NAALADL2: variants seen among roughly 807,000 people sequenced by gnomAD.
The protein encoded by NAALADL2 is inactive N-acetylated-alpha-linked acidic dipeptidase-like protein 2.
Under a neutral mutation model 87.2 loss-of-function variants are expected in NAALADL2, and 76 were observed. That is an observed-to-expected ratio of 0.87 (90% CI 0.72 to 1.05). NAALADL2 has a LOEUF of 1.05. NAALADL2 is among the 50% of genes least tolerant of loss of function. NAALADL2 has a pLI of 0.00. For missense variants in NAALADL2, 1,089 were observed against 945.8 expected (o/e 1.15, Z -1.99); for synonymous variants, 354 against 331.0 (o/e 1.07, Z -0.75).
intron 9 of NAALADL2, among the ~76,000 whole-genome samples, chr3:175,475,429 A>G (rs2149304793): frequency 6.6e-6 from 1 of 152,336 alleles, no homozygotes; most frequent in South Asian, 2.1e-4. Context: ...AGTTTTCAAA[A>G]TCATCTTTTC....
chr3:175,367,835 A>C (rs1329796592), intron 5 of NAALADL2, among the ~76,000 whole-genome samples: 2 of 152,154 alleles, frequency 1.3e-5, no homozygotes, highest in African/African-American at 4.8e-5. Flanking sequence ...TTCCTAACTG[A>C]ATACCCTTTA....
rs1381450872 is a variant in NAALADL2 at position 175,324,034 on chromosome 3, A to C, written c.940-141A>C. ...CTCCATCTCAAAAAACAAACAAAAA[A>C]AAAAAAAAAGAAAAAGAAAAAGAAA... On this transcript the variant is annotated intron_variant, in intron 4 of 13. Transcript: ENST00000454872. 13 of 637,300 alleles carry C rather than the reference A, an allele frequency of 2.0e-5. No individual in the cohort carries two copies. The East Asian group carries it at 2.5e-4, about 12-fold the overall frequency. 39.5% of individuals were successfully genotyped at this position (637,300 alleles called of 1,614,324 possible). A position where few individuals can be genotyped will look rare whatever the true frequency, so the allele number is the denominator to read the frequency against.
chr3:175,267,157 A>C (rs1752069010), intron 4 of NAALADL2, among the ~76,000 whole-genome samples: 1 of 152,014 alleles, frequency 6.6e-6, no homozygotes, highest in African/African-American at 2.4e-5. Flanking sequence ...CTTACTGAGA[A>C]GTTTTCTGTG....
At chr3:174,449,468 G>C (rs1209575096) in intron 1 of NAALADL2, among the ~76,000 whole-genome samples, 1 of 152,080 alleles carries the variant, frequency 6.6e-6, no homozygotes, top group African/African-American at 2.4e-5. Context: ...TAACCAATAT[G>C]TCATGAGGAT....
intron 9 of NAALADL2, among the ~76,000 whole-genome samples, chr3:175,502,711 A>T (rs1377780904): frequency 5.3e-5 from 8 of 152,020 alleles, no homozygotes; most frequent in African/African-American, 1.2e-4. Context: ...CCCAGTATAC[A>T]TACATATATA....
intron 4 of NAALADL2, among the ~76,000 whole-genome samples, chr3:175,283,055 T>G (rs1221154992): frequency 6.6e-6 from 1 of 152,060 alleles, no homozygotes; most frequent in Non-Finnish European, 1.5e-5. Flanking sequence ...CCATATAGTA[T>G]TATAGACACA....
intron 2 of NAALADL2, among the ~76,000 whole-genome samples, chr3:175,125,328 G>A (rs889530276): frequency 1.3e-5 from 2 of 151,924 alleles, no homozygotes; most frequent in African/African-American, 4.8e-5. Flanking sequence ...GAAGCTACTG[G>A]AGAATGTTAA....
At chr3:175,511,875 T>C (rs1731207365) in intron 9 of NAALADL2, among the ~76,000 whole-genome samples, 3 of 152,226 alleles carry the variant, frequency 2.0e-5, no homozygotes, top group Admixed American at 1.3e-4. Flanking sequence ...CAATCATACT[T>C]TAACCTAGGG....
At chr3:175,019,246 G>C (rs1006480334) in intron 1 of NAALADL2, among the ~76,000 whole-genome samples, 7 of 151,966 alleles carry the variant, frequency 4.6e-5, no homozygotes, top group Non-Finnish European at 1.0e-4. Context: ...TTCATCTACA[G>C]CTCAGCACAG....
intron 4 of NAALADL2, among the ~76,000 whole-genome samples, chr3:175,317,965 G>A (rs1759365077): frequency 6.6e-6 from 1 of 152,054 alleles, no homozygotes; most frequent in Non-Finnish European, 1.5e-5. Context: ...CATGAAAATA[G>A]ATATTGTTGC....
At chr3:175,561,243 A>C (rs1716223926) in intron 9 of NAALADL2, among the ~76,000 whole-genome samples, 1 of 152,172 alleles carries the variant, frequency 6.6e-6, no homozygotes, top group African/African-American at 2.4e-5. Context: ...CATATACCCT[A>C]TGCACATCCT....
intron 2 of NAALADL2, among the ~76,000 whole-genome samples, chr3:175,128,846 T>A (rs1251638814): frequency 6.6e-6 from 1 of 152,082 alleles, no homozygotes; most frequent in African/African-American, 2.4e-5. Flanking sequence ...TTTAAAATAT[T>A]TAACTCACAA....
intron 11 of NAALADL2, among the ~76,000 whole-genome samples, chr3:175,713,805 C>T (rs977855988): frequency 2.6e-5 from 4 of 151,866 alleles, no homozygotes; most frequent in Non-Finnish European, 5.9e-5. Flanking sequence ...TAGGTATACA[C>T]GTGCCATGGT....
At chr3:175,190,981 C>CAAAAAAAA (rs544760324) in intron 2 of NAALADL2, among the ~76,000 whole-genome samples, 1 of 102,042 alleles carries the variant, frequency 9.8e-6, no homozygotes, top group Non-Finnish European at 1.9e-5. Context: ...GACTCCGTCT[C>CAAAAAAAA]AAAAAAAAAA....
chr3:175,521,266 C>T (rs1732616808), intron 9 of NAALADL2, among the ~76,000 whole-genome samples: 2 of 151,570 alleles, frequency 1.3e-5, no homozygotes, highest in South Asian at 2.1e-4. Context: ...AATAATAATA[C>T]TATTTTAACT....
intron 3 of NAALADL2, among the ~76,000 whole-genome samples, chr3:174,787,151 G>A (rs1716774401): frequency 6.6e-6 from 1 of 151,966 alleles, no homozygotes; most frequent in South Asian, 2.1e-4. Context: ...TACATGAAAT[G>A]ACAACATCTT....
rs139995194 is a variant in NAALADL2 at position 174,881,242 on chromosome 3, ACTGT to A, written c.43+21797_43+21800del. On this transcript the variant is annotated intron_variant, in intron 1 of 13. Coordinates refer to ENST00000454872, the MANE Select transcript of NAALADL2 (RefSeq NM_207015.3). Reference sequence around the variant, plus strand: ...TATGATATTTCATTTATATTAACAGACTGTCTGTTTAGGATTGCAATCTCCCTTC... The same window carrying A: ...TATGATATTTCATTTATATTAACAGACTGTTTAGGATTGCAATCTCCCTTC... Among the ~76,000 whole-genome samples, 964 of 152,210 alleles carry A rather than the reference ACTGT, an allele frequency of 6.3e-3. 14 individuals carry two copies. Among genetic ancestry groups the A allele is most frequent in the African/African-American group, 0.021 (892 of 41,554 alleles).
chr3:174,726,736 C>T (rs1029489567), intron 2 of NAALADL2, among the ~76,000 whole-genome samples: 1 of 152,074 alleles, frequency 6.6e-6, no homozygotes, highest in Non-Finnish European at 1.5e-5. Context: ...TCTTTTCTTG[C>T]CCCTCAGGAT....
intron 2 of NAALADL2, among the ~76,000 whole-genome samples, chr3:174,647,169 A>G (rs1482130804): frequency 6.6e-6 from 1 of 152,234 alleles, no homozygotes; most frequent in African/African-American, 2.4e-5. Flanking sequence ...TCTCACAGCA[A>G]CACTATAATG....
Sources: allele counts gnomAD v4.1 joint callset (sites outside exome capture counted in the v4.1 genomes callset), GRCh38; gene constraint gnomAD v4.1.1; transcripts MANE v1.5; gene names NCBI Gene and HGNC (gene_info 2026-07-23, HGNC 2026-07-21).